Variants in ATL3 observed in about 807,000 individuals in gnomAD.
ATL3 encodes the protein atlastin-3.
Under a neutral mutation model 69.5 loss-of-function variants are expected in ATL3, and 49 were observed. The observed-to-expected ratio is 0.71, with a 90% CI of 0.56 to 0.89. The LOEUF (loss-of-function observed/expected upper bound fraction) is 0.89, where lower values mean the gene tolerates loss of function less well. ATL3 is among the 40% of genes least tolerant of loss of function. The probability of loss-of-function intolerance (pLI) is 0.00; values close to 1 mark genes in which losing one functional copy is unlikely to be tolerated. For missense variants in ATL3, 606 were observed against 645.7 expected, an observed-to-expected ratio of 0.94 and a Z score of 0.67; for synonymous variants, 214 against 224.1, an observed-to-expected ratio of 0.95 and a Z score of 0.40.
At chr11:63,630,709 T>C (rs1377258482) in intron 12 of ATL3, among the ~76,000 whole-genome samples, 1 of 146,598 alleles carries the variant, frequency 6.8e-6, no homozygotes, top group East Asian at 2.1e-4. Flanking sequence ...CGCAAGAGAA[T>C]CACTTGAACC....
At chr11:63,653,538 CAT>C (rs923986042) in intron 3 of ATL3, among the ~76,000 whole-genome samples, 5 of 151,888 alleles carry the variant, frequency 3.3e-5, no homozygotes, top group Non-Finnish European at 5.9e-5. Flanking sequence ...AAAACCAACA[CAT>C]GAGTATTTAT....
chr11:63,644,529 A>G (rs1939806324), intron 6 of ATL3, among the ~76,000 whole-genome samples: 2 of 151,902 alleles, frequency 1.3e-5, no homozygotes, highest in African/African-American at 4.8e-5. Flanking sequence ...AGCCGGGACT[A>G]CAAGCACATG....
chr11:63,633,300 T>C (rs1939389212), intron 10 of ATL3, among the ~76,000 whole-genome samples: 1 of 152,242 alleles, frequency 6.6e-6, no homozygotes, highest in South Asian at 2.1e-4. Flanking sequence ...GAAGTTCATA[T>C]ACATAGAAAT....
chr11:63,670,584 T>C (rs935872003), intron 1 of ATL3: 2 of 152,260 alleles, frequency 1.3e-5, no homozygotes, highest in African/African-American at 4.8e-5. Flanking sequence ...TATTTGGTTT[T>C]TAATACTTTC....
intron 3 of ATL3, among the ~76,000 whole-genome samples, chr11:63,654,421 G>A (rs552644079): frequency 2.6e-5 from 4 of 151,008 alleles, no homozygotes; most frequent in Admixed American, 6.6e-5. Context: ...CTGGGATTAC[G>A]GAGTTTCACT....
At chr11:63,651,799 T>C (rs2134506663) in intron 5 of ATL3, 137 bp downstream of exon 5, 3 of 1,254,626 alleles carry the variant, frequency 2.4e-6, no homozygotes, top group Admixed American at 3.4e-5. Context: ...TGGCTATACA[T>C]AGTATAGAAT....
chr11:63,632,441 C>T, intron 11 of ATL3: 2 of 831,846 alleles, frequency 2.4e-6, no homozygotes, highest in Non-Finnish European at 4.3e-6. Context: ...GCAAAAAGCC[C>T]AAGTGATCCA....
chr11:63,624,110 T>C lies in ATL3; in HGVS notation c.*5209A>G, dbSNP rs2134448551. 6.6e-6 allele frequency: 1 copy of C among 152,302 alleles called. No individual in the cohort carries two copies. Among genetic ancestry groups the C allele is most frequent in the East Asian group, 1.9e-4 (1 of 5,192 alleles). 9.4% of individuals were successfully genotyped at this position (152,302 alleles called of 1,614,324 possible). On this transcript the variant is annotated 3_prime_UTR_variant, in exon 13 of 13. Coordinates refer to ENST00000398868, the MANE Select transcript of ATL3 (RefSeq NM_015459.5). ...CATGGTGTTGTGATCTTTATTCCAT[T>C]AAATGATCTTACAAATTGGAGTAAA... is the stretch of plus-strand genomic sequence containing the variant.
At position 63,627,920 on chromosome 11, in the gene ATL3, A is replaced by G. The variant is rs755915826; in HGVS notation, c.*1399T>C. ...ATGGGTTAATTTTAGCTTCATTATTAAGAACATTAGACACGGCAGAGAATG... is the reference window on the plus strand; with the variant it reads ...ATGGGTTAATTTTAGCTTCATTATTGAGAACATTAGACACGGCAGAGAATG... On this transcript the variant is annotated 3_prime_UTR_variant, in exon 13 of 13. Coordinates refer to ENST00000398868, the MANE Select transcript of ATL3 (RefSeq NM_015459.5). 3.3e-5 allele frequency: 5 copies of G among 152,244 alleles called. No individual in the cohort carries two copies. The highest frequency in any genetic ancestry group is 5.9e-5 in the Non-Finnish European group (4 of 68,038). 9.4% of individuals were successfully genotyped at this position (152,244 alleles called of 1,614,324 possible). A position where few individuals can be genotyped will look rare whatever the true frequency, so the allele number is the denominator to read the frequency against.
At chr11:63,659,397 C>A in intron 1 of ATL3, 145 bp from the exon 2 acceptor site, 2 of 663,348 alleles carry the variant, frequency 3.0e-6, no homozygotes, top group Non-Finnish European at 2.5e-6. Context: ...GAAACCAAAG[C>A]AGAAAGATTA....
At chr11:63,653,852 T>C (rs1366323674) in intron 3 of ATL3, among the ~76,000 whole-genome samples, 1 of 152,050 alleles carries the variant, frequency 6.6e-6, no homozygotes, top group Non-Finnish European at 1.5e-5. Flanking sequence ...GAGGAACAGA[T>C]AGGTACATTA....
At chr11:63,636,414 C>T (rs1939519229) in intron 8 of ATL3, 80 bp from the exon 9 acceptor site, 1 of 1,568,948 alleles carries the variant, frequency 6.4e-7, no homozygotes, top group Non-Finnish European at 8.7e-7. Context: ...TGCAGTCTTC[C>T]CAGTCTAGTG....
Position 63,644,180 on chromosome 11 carries a change from T to C in ATL3, c.700A>G (p.Lys234Glu). 1 of 1,606,268 alleles carries C rather than the reference T, an allele frequency of 6.2e-7. No individual in the cohort carries two copies. Among genetic ancestry groups the C allele is most frequent in the South Asian group, 1.1e-5 (1 of 90,022 alleles). ...ATAGTCCCACTTACCTGTAAACGCT[T>C]ATCCAAAAATGCCATTCCTCCTTGG... The part of the protein sequence containing the change: ...GLQGGMAFLD[K>E]RLQVKEHQHE... Residue 234 changes from lysine (K) to glutamate (E), a missense_variant, in exon 7 of 13, where the codon AAG becomes GAG. By Grantham distance (56) the Lys-to-Glu change is moderately conservative (BLOSUM62 1). Transcript: ENST00000398868.
intron 1 of ATL3, among the ~76,000 whole-genome samples, chr11:63,665,866 C>CAAA (rs879791369): frequency 7.3e-6 from 1 of 136,586 alleles, no homozygotes; most frequent in African/African-American, 2.7e-5. Flanking sequence ...GACCCTGTCT[C>CAAA]AAAAAAAAAA....
chr11:63,636,479 C>T (rs1939521618), intron 8 of ATL3, 145 bp from the exon 9 acceptor site: 1 of 1,115,552 alleles, frequency 9.0e-7, no homozygotes, highest in Non-Finnish European at 1.3e-6. Context: ...TGGCTCACGC[C>T]TATAATCCTA....
intron 1 of ATL3, among the ~76,000 whole-genome samples, chr11:63,665,333 G>A (rs1467640056): frequency 1.4e-5 from 2 of 145,384 alleles, no homozygotes; most frequent in South Asian, 2.2e-4. Flanking sequence ...GTGACAGAGT[G>A]AGACTCCATC....
chr11:63,665,094 T>C (rs898132629), intron 1 of ATL3, among the ~76,000 whole-genome samples: 1 of 152,074 alleles, frequency 6.6e-6, no homozygotes, highest in Non-Finnish European at 1.5e-5. Context: ...TGCCTGTCAA[T>C]CCCAACACTG....
At chr11:63,644,420 T>C (rs1267925882) in intron 6 of ATL3, among the ~76,000 whole-genome samples, 159 bp from the exon 7 acceptor site, 2 of 150,574 alleles carry the variant, frequency 1.3e-5, no homozygotes, top group Non-Finnish European at 3.0e-5. Flanking sequence ...GATTGGGCCT[T>C]GCTCCGTCAC....
Position 63,648,168 on chromosome 11 carries a change from G to C in ATL3, c.562-1605C>G, listed in dbSNP as rs373692358. On this transcript the variant is annotated intron_variant, in intron 5 of 12. Coordinates refer to ENST00000398868, the MANE Select transcript of ATL3 (RefSeq NM_015459.5). The stretch of plus-strand genomic sequence containing the variant: ...AGACTTAGATACCAAACTCAGCTGA[G>C]GTTAGGAGTAAGTCTCCTACCTTCA... Among the ~76,000 whole-genome samples, 19 of 152,204 alleles carry C rather than the reference G, an allele frequency of 1.2e-4. No individual in the cohort carries two copies. The East Asian group carries it at 2.7e-3, about 22-fold the overall frequency.
Sources: gnomAD v4.1 joint callset for allele counts (sites outside exome capture counted in the v4.1 genomes callset) on GRCh38, gnomAD v4.1.1 for gene constraint, MANE v1.5 for transcripts, NCBI Gene and HGNC (gene_info 2026-07-23, HGNC 2026-07-21) for gene names.